Variants in GLYR1 observed in about 807,000 individuals in gnomAD.
GLYR1 encodes cytokine-like nuclear factor N-PAC.
In GLYR1, 21 loss-of-function variants were observed where a neutral mutation model predicts 72.7. The observed-to-expected ratio is 0.29, with a 90% CI of 0.20 to 0.42. GLYR1 has a LOEUF of 0.42. GLYR1 is among the 10% of genes least tolerant of loss of function. The pLI, the probability that GLYR1 is intolerant of heterozygous loss-of-function variation, is 1.00. For synonymous variants in GLYR1, 392 were observed against 270.2 expected (o/e 1.45, Z -4.42); for missense variants, 594 against 712.1 (o/e 0.83, Z 1.89).
At chr16:4,823,016 G>A in intron 6 of GLYR1, 85 bp from the exon 7 acceptor site, 5 of 1,061,578 alleles carry the variant, frequency 4.7e-6, no homozygotes, top group Non-Finnish European at 7.4e-6. Flanking sequence ...CTCTCCTCTG[G>A]CTGCAACACC....
intron 3 of GLYR1, among the ~76,000 whole-genome samples, chr16:4,836,052 G>C (rs2085108543): frequency 1.3e-5 from 2 of 152,122 alleles, no homozygotes; most frequent in African/African-American, 4.8e-5. Context: ...GCCCACTTCA[G>C]CCACCCAAAG....
intron 5 of GLYR1, among the ~76,000 whole-genome samples, chr16:4,831,755 T>G (rs2084815009): frequency 6.6e-6 from 1 of 152,230 alleles, no homozygotes; most frequent in Non-Finnish European, 1.5e-5. Flanking sequence ...AATGCAACTT[T>G]GAGCTCCAAG....
chr16:4,837,605 G>A (rs1210902146), intron 3 of GLYR1, among the ~76,000 whole-genome samples: 1 of 152,022 alleles, frequency 6.6e-6, no homozygotes, highest in Non-Finnish European at 1.5e-5. Flanking sequence ...GAAGATGGCA[G>A]GGGGAGGGAG....
chr16:4,817,694 T>A lies in GLYR1; in HGVS notation c.810A>T (p.Ile270=). The A allele has an allele frequency of 6.2e-7, 1 of 1,603,168 alleles. No homozygotes were observed. Among genetic ancestry groups the A allele is most frequent in the Non-Finnish European group, 8.5e-7 (1 of 1,170,078 alleles). The change falls in exon 10 of 16, where the codon ATA becomes ATT. Residue 270 remains isoleucine (I), a synonymous_variant. Coordinates refer to ENST00000321919, the MANE Select transcript of GLYR1 (RefSeq NM_032569.4). ...NGSITPTDKK[I]GFLGLGLMGS... is the part of the protein sequence containing the mutation. ...CCATGAGACCAAGGCCCAAAAATCC[T>A]ATCCTGAAACAGAGAGAGACTGATG...
chr16:4,844,536 C>T (rs906876277), intron 3 of GLYR1, among the ~76,000 whole-genome samples: 1 of 152,188 alleles, frequency 6.6e-6, no homozygotes, highest in Non-Finnish European at 1.5e-5. Context: ...TTTGGGAGGC[C>T]AAGGCAGGTG....
intron 3 of GLYR1, among the ~76,000 whole-genome samples, chr16:4,834,372 C>T (rs2084995325): frequency 7.0e-6 from 1 of 142,528 alleles, no homozygotes; most frequent in Non-Finnish European, 1.5e-5. Flanking sequence ...GCGATGTTGG[C>T]TCACGGCAAC....
chr16:4,809,933 C>CA (rs1223763201), intron 15 of GLYR1, among the ~76,000 whole-genome samples: 4 of 147,578 alleles, frequency 2.7e-5, no homozygotes, highest in African/African-American at 1.0e-4. Flanking sequence ...CCAAAAAAAA[C>CA]AAAAAAACAA....
intron 11 of GLYR1, 121 bp from the exon 12 acceptor site, chr16:4,813,959 A>C (rs536874412): frequency 7.4e-6 from 5 of 673,116 alleles, no homozygotes; most frequent in Non-Finnish European, 1.2e-5. Context: ...CTATCAGCTG[A>C]AAAGGGAAGA....
chr16:4,844,547 G>C (rs928703303), intron 3 of GLYR1, among the ~76,000 whole-genome samples: 5 of 152,240 alleles, frequency 3.3e-5, no homozygotes, highest in Admixed American at 6.5e-5. Flanking sequence ...AAGGCAGGTG[G>C]ATTGCTTGAG....
intron 5 of GLYR1, among the ~76,000 whole-genome samples, chr16:4,829,321 T>C (rs1466133513): frequency 6.6e-6 from 1 of 152,100 alleles, no homozygotes; most frequent in Non-Finnish European, 1.5e-5. Flanking sequence ...CTCTCTTTTT[T>C]TGGAGATAGG....
chr16:4,812,185 T>C lies in GLYR1; in HGVS notation c.1183A>G (p.Asn395Asp). The C allele has an allele frequency of 6.2e-7, 1 of 1,614,108 alleles. No individual in the cohort carries two copies. The highest frequency in any genetic ancestry group is 8.5e-7 in the Non-Finnish European group (1 of 1,180,022). The change falls in exon 13 of 16, where the codon AAT (asparagine) becomes GAT (aspartate). Residue 395 changes from asparagine to aspartate, a missense_variant. Asn to Asp is a conservative substitution (Grantham distance 23). Around this residue, in one of 5 missense-constraint regions of GLYR1, gnomAD observed 266 missense variants for 358.4 expected, o/e 0.74. Coordinates refer to ENST00000321919, the MANE Select transcript of GLYR1 (RefSeq NM_032569.4). ...APVSGNQQLSNDGMLVILAAG... is the reference protein window; with the variant it reads ...APVSGNQQLSDDGMLVILAAG... ...GCTAAGATCACCAACATCCCGTCATTAGACAGCTGCTGATTCCCTGAGACG... is the reference window on the plus strand; with the variant it reads ...GCTAAGATCACCAACATCCCGTCATCAGACAGCTGCTGATTCCCTGAGACG...
At chr16:4,847,041 G>C (rs2086186228) in intron 1 of GLYR1, 187 bp downstream of exon 1, 1 of 581,982 alleles carries the variant, frequency 1.7e-6, no homozygotes, top group East Asian at 3.2e-5. Flanking sequence ...GGCCACCCTC[G>C]GCCTCGGTCC....
chr16:4,816,461 C>T (rs936090646), intron 10 of GLYR1, among the ~76,000 whole-genome samples: 7 of 152,000 alleles, frequency 4.6e-5, no homozygotes, highest in Admixed American at 4.6e-4. Flanking sequence ...TAATTAGCAC[C>T]CTACTAATTT....
At chr16:4,810,769 G>A (rs1198857020) in intron 15 of GLYR1, among the ~76,000 whole-genome samples, 1 of 137,338 alleles carries the variant, frequency 7.3e-6, no homozygotes, top group African/African-American at 2.8e-5. Flanking sequence ...TGAGGCGACA[G>A]AGCAAGACTC....
At chr16:4,824,422 C>T (rs545057443) in intron 5 of GLYR1, among the ~76,000 whole-genome samples, 35 of 150,700 alleles carry the variant, frequency 2.3e-4, no homozygotes, top group African/African-American at 8.1e-4. Flanking sequence ...ATCGCTTGAA[C>T]CGGGGAGGTG....
rs187353015 is a variant in GLYR1, at chr16:4,836,580, G to A, written c.156-3668C>T. Among the ~76,000 whole-genome samples the A allele has an allele frequency of 5.3e-5, 8 of 152,248 alleles. No individual in the cohort carries two copies. The East Asian group carries it at 1.2e-3, about 22-fold the overall frequency. On this transcript the variant is annotated intron_variant, in intron 3 of 15. Transcript: ENST00000321919. ...CAAGGTCATTACAGAGAAGGAAAGC[G>A]GATGTCTCGTAAGATATCTGGCTAC...
At chr16:4,840,407 A>G (rs1352936578) in intron 3 of GLYR1, 2 of 152,206 alleles carry the variant, frequency 1.3e-5, no homozygotes, top group Non-Finnish European at 2.9e-5. Flanking sequence ...GATGAGGCGC[A>G]TACAGTTTTA....
At chr16:4,810,716 A>AAG (rs1167458105) in intron 15 of GLYR1, among the ~76,000 whole-genome samples, 9 of 145,920 alleles carry the variant, frequency 6.2e-5, no homozygotes, top group African/African-American at 2.0e-4. Context: ...AAAAAAAAAA[A>AAG]AAAAAAAAAA....
chr16:4,842,377 T>C (rs1460553744), intron 3 of GLYR1, among the ~76,000 whole-genome samples: 2 of 152,172 alleles, frequency 1.3e-5, no homozygotes, highest in Non-Finnish European at 2.9e-5. Context: ...TAAGACAGGG[T>C]CTAGCTCTGT....
Sources: allele counts gnomAD v4.1 joint callset (sites outside exome capture counted in the v4.1 genomes callset), GRCh38; gene constraint gnomAD v4.1.1; regional missense constraint gnomAD v4.1.1; transcripts MANE v1.5; gene names NCBI Gene and HGNC (gene_info 2026-07-23, HGNC 2026-07-21).